NBEA: variants seen among roughly 807,000 people sequenced by gnomAD.
NBEA encodes the protein lysosomal-trafficking regulator 2.
Under a neutral mutation model 343.4 loss-of-function variants are expected in NBEA, and 44 were observed. The observed-to-expected ratio is 0.13, with a 90% CI of 0.10 to 0.16. The LOEUF is 0.16. NBEA is among the 10% of genes least tolerant of loss of function. The pLI, the probability that NBEA is intolerant of heterozygous loss-of-function variation, is 1.00. For synonymous variants in NBEA, 1,175 were observed against 1,238.7 expected, an observed-to-expected ratio of 0.95 and a Z score of 1.08; for missense variants, 2,555 against 3,631.3, an observed-to-expected ratio of 0.70 and a Z score of 7.62.
chr13:35,046,913 A>AT (rs2062876810), intron 4 of NBEA, among the ~76,000 whole-genome samples: 1 of 151,902 alleles, frequency 6.6e-6, no homozygotes, highest in African/African-American at 2.4e-5. Context: ...TCATGTGTTT[A>AT]TTGGCCATTC....
chr13:35,635,176 T>C (rs760918329), intron 49 of NBEA, among the ~76,000 whole-genome samples: 1 of 152,168 alleles, frequency 6.6e-6, no homozygotes, highest in Non-Finnish European at 1.5e-5. Flanking sequence ...TTGAATTCTT[T>C]CTATTATTCT....
At chr13:35,107,645 T>A (rs1449104938) in intron 11 of NBEA, among the ~76,000 whole-genome samples, 2 of 152,038 alleles carry the variant, frequency 1.3e-5, no homozygotes, top group Non-Finnish European at 2.9e-5. Context: ...TAGAATATGT[T>A]CTGTGAGGAA....
chr13:35,301,156 A>T (rs2036515033), intron 35 of NBEA, among the ~76,000 whole-genome samples: 1 of 151,906 alleles, frequency 6.6e-6, no homozygotes, highest in South Asian at 2.1e-4. Context: ...CACAACAATG[A>T]GAGTCCACAA....
At chr13:34,948,637 T>C (rs751268559) in intron 1 of NBEA, among the ~76,000 whole-genome samples, 9 of 152,182 alleles carry the variant, frequency 5.9e-5, no homozygotes, top group Non-Finnish European at 1.2e-4. Context: ...AATGACACAT[T>C]GTAGGAAACA....
intron 12 of NBEA, among the ~76,000 whole-genome samples, chr13:35,110,178 G>A (rs1436424337): frequency 4.7e-5 from 7 of 150,412 alleles, no homozygotes; most frequent in African/African-American, 1.7e-4. Context: ...CTAGCATTAG[G>A]TATATCTCCC....
At chr13:34,988,451 C>A (rs1351874629) in intron 1 of NBEA, among the ~76,000 whole-genome samples, 1 of 151,192 alleles carries the variant, frequency 6.6e-6, no homozygotes, top group African/African-American at 2.4e-5. Flanking sequence ...GGGGTCCACC[C>A]AGTTCGAGCT....
In NBEA at chr13:35,091,502, T is replaced by C. The variant is rs150755830; in HGVS notation, c.1572-6795T>C. Among the ~76,000 whole-genome samples, 193 of 152,122 alleles carry C rather than the reference T, an allele frequency of 1.3e-3. 1 individual carries two copies. The highest frequency in any genetic ancestry group is 4.3e-3 in the African/African-American group (179 of 41,538). The stretch of plus-strand genomic sequence containing the variant: ...AGATTATAAAGGAAAAATAGAATTA[T>C]CTGTTTTCACAGATGACATGATTGT... On this transcript the variant is annotated intron_variant, in intron 10 of 58. Transcript: ENST00000379939.
intron 40 of NBEA, among the ~76,000 whole-genome samples, chr13:35,459,420 C>T (rs1403757167): frequency 2.6e-5 from 4 of 151,808 alleles, no homozygotes; most frequent in Non-Finnish European, 5.9e-5. Context: ...TTCACTTGCT[C>T]ATTTACTTAA....
At chr13:35,276,627 A>G (rs1396822348) in intron 34 of NBEA, among the ~76,000 whole-genome samples, 4 of 152,240 alleles carry the variant, frequency 2.6e-5, no homozygotes, top group East Asian at 3.8e-4. Context: ...ATACTAATGC[A>G]CGTTAGAGAA....
intron 34 of NBEA, among the ~76,000 whole-genome samples, chr13:35,262,502 A>T (rs1454949997): frequency 6.6e-6 from 1 of 152,246 alleles, no homozygotes; most frequent in Non-Finnish European, 1.5e-5. Context: ...GGCCACACTT[A>T]TAAACCTGAC....
intron 35 of NBEA, among the ~76,000 whole-genome samples, chr13:35,294,026 T>A (rs892047008): frequency 2.0e-5 from 3 of 152,096 alleles, no homozygotes; most frequent in Admixed American, 2.0e-4. Context: ...AAGCTAAAGA[T>A]GTATAAGTAA....
intron 10 of NBEA, among the ~76,000 whole-genome samples, chr13:35,096,277 G>T (rs1237776044): frequency 6.7e-6 from 1 of 150,286 alleles, no homozygotes; most frequent in Admixed American, 6.6e-5. Flanking sequence ...TTTTGTTAGT[G>T]AATGCATTTG....
At chr13:35,551,620 C>T (rs1594950603) in intron 43 of NBEA, among the ~76,000 whole-genome samples, 1 of 152,052 alleles carries the variant, frequency 6.6e-6, no homozygotes, top group East Asian at 1.9e-4. Context: ...TCGTTTTTGG[C>T]TCGAAATAAC....
intron 41 of NBEA, among the ~76,000 whole-genome samples, chr13:35,477,843 A>G (rs753978063): frequency 7.2e-5 from 11 of 152,250 alleles, no homozygotes; most frequent in Non-Finnish European, 1.5e-4. Context: ...AATGAAATAA[A>G]TCATTTCATT....
chr13:35,273,915 C>T (rs1041239116), intron 34 of NBEA, among the ~76,000 whole-genome samples: 10 of 152,280 alleles, frequency 6.6e-5, no homozygotes, highest in African/African-American at 2.4e-4. Flanking sequence ...GACAGATTCA[C>T]AGCCGAATTC....
At chr13:35,170,471 A>G (rs1566402554) in intron 25 of NBEA, among the ~76,000 whole-genome samples, 1 of 151,884 alleles carries the variant, frequency 6.6e-6, no homozygotes, top group Non-Finnish European at 1.5e-5. Context: ...AAAATGCTGT[A>G]TAGTCCATGG....
intron 17 of NBEA, among the ~76,000 whole-genome samples, chr13:35,141,295 G>A (rs1036059595): frequency 6.6e-6 from 1 of 152,086 alleles, no homozygotes; most frequent in Non-Finnish European, 1.5e-5. Context: ...TTGAGATGGA[G>A]TCTCACTCTT....
intron 45 of NBEA, among the ~76,000 whole-genome samples, chr13:35,574,412 A>G (rs1331084204): frequency 6.6e-6 from 1 of 150,392 alleles, no homozygotes; most frequent in Admixed American, 6.6e-5. Context: ...AAAAAAAACA[A>G]GGAAAGAAAA....
chr13:35,208,978 G>C (rs1041023398), intron 32 of NBEA, 124 bp downstream of exon 32: 6 of 825,456 alleles, frequency 7.3e-6, no homozygotes, highest in African/African-American at 1.8e-5. Flanking sequence ...TTTTAAGAAG[G>C]TTATATTTTA....
Sources: gnomAD v4.1 joint callset for allele counts (sites outside exome capture counted in the v4.1 genomes callset) on GRCh38, gnomAD v4.1.1 for gene constraint, MANE v1.5 for transcripts, NCBI Gene and HGNC (gene_info 2026-07-23, HGNC 2026-07-21) for gene names.